Variants in EFCAB3 observed in about 807,000 individuals in gnomAD.
The protein encoded by EFCAB3 is EF-hand calcium-binding domain-containing protein 3.
A neutral mutation model predicts 42.2 loss-of-function variants in EFCAB3; 36 were observed. The observed-to-expected ratio is 0.85, with a 90% CI of 0.65 to 1.13. EFCAB3 has a LOEUF of 1.13. Ranked by LOEUF, EFCAB3 falls within the 50% of genes most tolerant of loss-of-function variation. EFCAB3 has a pLI of 0.00. For synonymous variants in EFCAB3, 170 were observed against 172.8 expected (o/e 0.98, Z 0.13); for missense variants, 418 against 505.1 (o/e 0.83, Z 1.65).
At chr17:62,374,743 T>C (rs1221906199) in intron 2 of EFCAB3, among the ~76,000 whole-genome samples, 1 of 152,156 alleles carries the variant, frequency 6.6e-6, no homozygotes, top group African/African-American at 2.4e-5. Context: ...CTTGATTTAT[T>C]CTCTGCATCT....
intron 3 of EFCAB3, among the ~76,000 whole-genome samples, chr17:62,388,116 AG>A (rs1203932800): frequency 3.9e-5 from 6 of 152,224 alleles, no homozygotes; most frequent in Non-Finnish European, 7.4e-5. Context: ...AGGCTGAGGC[AG>A]GGAGAATTGC....
At chr17:62,393,460 GCT>G (rs1262314346) in intron 4 of EFCAB3, 111 bp from the exon 5 acceptor site, 4 of 822,058 alleles carry the variant, frequency 4.9e-6, no homozygotes, top group African/African-American at 3.5e-5. Context: ...GCCCTCAAAT[GCT>G]CTGTTTTTAA....
intron 2 of EFCAB3, among the ~76,000 whole-genome samples, chr17:62,384,717 A>G (rs1450388604): frequency 3.9e-5 from 6 of 152,238 alleles, no homozygotes; most frequent in Non-Finnish European, 8.8e-5. Flanking sequence ...ACATCATGCA[A>G]AAGAAATTTG....
upstream of EFCAB3, among the ~76,000 whole-genome samples, chr17:62,376,495 A>G (rs1344951192): frequency 1.3e-5 from 2 of 152,138 alleles, no homozygotes; most frequent in Non-Finnish European, 2.9e-5. Flanking sequence ...TTCTTTATAT[A>G]AGTATTAAGG....
chr17:62,382,875 A>G, intron 1 of EFCAB3, 88 bp from the exon 2 acceptor site: 2 of 1,148,954 alleles, frequency 1.7e-6, no homozygotes, highest in Non-Finnish European at 2.4e-6. Flanking sequence ...GACTTTTCAA[A>G]CTCCAGGCTT....
At chr17:62,398,792 C>G (rs759466557) in intron 6 of EFCAB3, among the ~76,000 whole-genome samples, 2 of 151,968 alleles carry the variant, frequency 1.3e-5, no homozygotes, top group Non-Finnish European at 2.9e-5. Context: ...ACGGAAGTAA[C>G]ATAATTCAAC....
intron 1 of EFCAB3, chr17:62,381,739 A>G (rs1358098852): frequency 1.3e-5 from 4 of 309,982 alleles, no homozygotes; most frequent in African/African-American, 6.6e-5. Context: ...AAAGACATCA[A>G]GAGGATCCTG....
Position 62,416,295 on chromosome 17 carries a change from G to C in EFCAB3, c.1283G>C (p.Arg428Thr), listed in dbSNP as rs140338043. The change falls in exon 10 of 10, where the codon AGA (arginine) becomes ACA (threonine). Residue 428 changes from arginine to threonine, a missense_variant. Physicochemically the swap from Arg to Thr is moderately conservative, Grantham distance 71. Coordinates refer to ENST00000305286, the MANE Select transcript of EFCAB3 (RefSeq NM_173503.4). ...TGTTACACAGACTCAGGAAGAAAAA[G>C]AAAACGGAAAGGTTTAAAGGGATTT... The part of the protein sequence containing the change: ...SECYTDSGRK[R>T]KRKGLKGFQQ 2 of 1,610,336 alleles carry C rather than the reference G, an allele frequency of 1.2e-6. No homozygotes were observed.
At position 62,393,626 on chromosome 17, in the gene EFCAB3, C is replaced by G. The variant is rs764216450; in HGVS notation, c.349C>G (p.Leu117Val). The change falls in exon 5 of 10, where the codon CTC becomes GTC. Residue 117 changes from leucine (L) to valine (V), a missense_variant. Physicochemically the swap from Leu to Val is conservative, Grantham distance 32. Coordinates refer to ENST00000305286, the MANE Select transcript of EFCAB3 (RefSeq NM_173503.4). ...DFIKVLTDKN[L>V]FLKAVVPEKE... ...TATCAAGGTTCTAACAGATAAGAAT[C>G]TCTTCCTCAAGGCAGTGGGTGAGTA... The G allele has an allele frequency of 3.1e-6, 5 of 1,613,970 alleles. No individual in the cohort carries two copies. The African/African-American group carries it at 5.3e-5, about 17-fold the overall frequency.
chr17:62,393,337 G>GGGCTCCTGGCTGGA (rs1419138769), intron 4 of EFCAB3, among the ~76,000 whole-genome samples: 2 of 152,264 alleles, frequency 1.3e-5, no homozygotes, highest in East Asian at 3.9e-4. Flanking sequence ...CAATGGCTGG[G>GGGCTCCTGGCTGGA]TGCTCCTGGC....
At chr17:62,402,072 A>G (rs2070407981) in intron 6 of EFCAB3, among the ~76,000 whole-genome samples, 1 of 152,216 alleles carries the variant, frequency 6.6e-6, no homozygotes, top group African/African-American at 2.4e-5. Context: ...GAGTACACTC[A>G]TGATTTGGCT....
At chr17:62,379,597 A>G (rs746239532), upstream of EFCAB3, among the ~76,000 whole-genome samples, 1 of 152,126 alleles carries the variant, frequency 6.6e-6, no homozygotes, top group Non-Finnish European at 1.5e-5. Context: ...TATGCTCATA[A>G]TGAACAAATC....
upstream of EFCAB3, among the ~76,000 whole-genome samples, chr17:62,375,995 A>C (rs1000156402): frequency 6.6e-6 from 1 of 152,096 alleles, no homozygotes; most frequent in Non-Finnish European, 1.5e-5. Context: ...CAGCTCGCCC[A>C]CATGTTTTCT....
intron 4 of EFCAB3, among the ~76,000 whole-genome samples, chr17:62,393,339 G>A (rs557657202): frequency 7.2e-5 from 11 of 152,222 alleles, no homozygotes; most frequent in African/African-American, 2.6e-4. Flanking sequence ...ATGGCTGGGT[G>A]CTCCTGGCTG....
At chr17:62,409,935 C>T (rs1181616034) in intron 8 of EFCAB3, among the ~76,000 whole-genome samples, 1 of 152,162 alleles carries the variant, frequency 6.6e-6, no homozygotes, top group Non-Finnish European at 1.5e-5. Context: ...TGCAGTGGCT[C>T]ATGCCTGTAA....
At chr17:62,392,618 A>G (rs956769632) in intron 4 of EFCAB3, among the ~76,000 whole-genome samples, 3 of 151,942 alleles carry the variant, frequency 2.0e-5, no homozygotes, top group Admixed American at 2.0e-4. Flanking sequence ...TTTTGTTGGT[A>G]TTTTTAAAGC....
intron 8 of EFCAB3, among the ~76,000 whole-genome samples, chr17:62,410,654 G>A (rs1377546087): frequency 2.6e-5 from 4 of 151,868 alleles, no homozygotes; most frequent in Non-Finnish European, 2.9e-5. Context: ...ATTCAAAAAT[G>A]TATTCAAAAG....
At chr17:62,414,109 AT>A in intron 9 of EFCAB3, among the ~76,000 whole-genome samples, 1 of 152,290 alleles carries the variant, frequency 6.6e-6, no homozygotes, top group Admixed American at 6.5e-5. Flanking sequence ...TGGGACATTC[AT>A]TTGTGTTATT....
At chr17:62,386,009 G>C (rs1362107982) in intron 2 of EFCAB3, among the ~76,000 whole-genome samples, 1 of 151,820 alleles carries the variant, frequency 6.6e-6, no homozygotes, top group Non-Finnish European at 1.5e-5. Context: ...TTACAGGCAT[G>C]AGCCACCGCA....
Sources: gnomAD v4.1 joint callset for allele counts (sites outside exome capture counted in the v4.1 genomes callset) on GRCh38, gnomAD v4.1.1 for gene constraint, MANE v1.5 for transcripts, NCBI Gene and HGNC (gene_info 2026-07-23, HGNC 2026-07-21) for gene names.